GRAP2: variants seen among roughly 807,000 people sequenced by gnomAD.
GRAP2 encodes the protein GRB2 related adaptor protein 2.
GRAP2 carries 31 observed loss-of-function variants against 43.5 expected under a neutral mutation model. That is an observed-to-expected ratio of 0.71 (90% CI 0.54 to 0.96). The LOEUF (loss-of-function observed/expected upper bound fraction) is 0.96. GRAP2 is among the 40% of genes least tolerant of loss of function. The pLI, the probability that GRAP2 is intolerant of heterozygous loss-of-function variation, is 0.00. For synonymous variants in GRAP2, 156 were observed against 164.8 expected, an observed-to-expected ratio of 0.95 and a Z score of 0.41; for missense variants, 371 against 424.4, an observed-to-expected ratio of 0.87 and a Z score of 1.11.
intron 1 of GRAP2, among the ~76,000 whole-genome samples, chr22:39,919,205 G>A: frequency 6.6e-6 from 1 of 152,152 alleles, no homozygotes; most frequent in South Asian, 2.1e-4. Flanking sequence ...CCCCAAAAGT[G>A]GTGATTTTAT....
At chr22:39,910,261 C>G (rs1664553842) in intron 1 of GRAP2, among the ~76,000 whole-genome samples, 1 of 152,088 alleles carries the variant, frequency 6.6e-6, no homozygotes, top group Admixed American at 6.6e-5. Context: ...TGATCTGTAG[C>G]CTATACTTCT....
chr22:39,937,155 C>T (rs555401015), intron 1 of GRAP2, among the ~76,000 whole-genome samples: 12 of 152,150 alleles, frequency 7.9e-5, no homozygotes, highest in South Asian at 6.2e-4. Flanking sequence ...AACGGGTGAC[C>T]GATTATAAAG....
At chr22:39,940,128 GTC>G (rs1292822995) in intron 1 of GRAP2, among the ~76,000 whole-genome samples, 1 of 152,178 alleles carries the variant, frequency 6.6e-6, no homozygotes, top group Non-Finnish European at 1.5e-5. Flanking sequence ...GAATGTGAGA[GTC>G]TATTTTAAAG....
Position 39,960,042 on chromosome 22 carries a change from C to T in GRAP2, c.171-13C>T. 3 of 1,613,272 alleles carry T rather than the reference C, an allele frequency of 1.9e-6. No homozygotes were observed. The highest frequency in any genetic ancestry group is 2.5e-6 in the Non-Finnish European group (3 of 1,179,266). On this transcript the variant is annotated splice_polypyrimidine_tract_variant and intron_variant, in intron 3 of 7. Coordinates refer to ENST00000344138, the MANE Select transcript of GRAP2 (RefSeq NM_004810.4). ...TCTCATCCTGATCCTTTTGTTTGAT[C>T]TCGCCCCCACAGATGGTTTCACGAA... is the stretch of plus-strand genomic sequence containing the variant.
chr22:39,963,327 T>C (rs764027802), intron 4 of GRAP2, among the ~76,000 whole-genome samples: 4 of 152,180 alleles, frequency 2.6e-5, no homozygotes, highest in Non-Finnish European at 5.9e-5. Flanking sequence ...CCTCTCCTTG[T>C]AGACCCAGAT....
intron 1 of GRAP2, among the ~76,000 whole-genome samples, chr22:39,917,862 A>G (rs1197691092): frequency 6.6e-6 from 1 of 152,216 alleles, no homozygotes; most frequent in African/African-American, 2.4e-5. Context: ...TAAGGATCCA[A>G]ACAGAAAGGA....
intron 4 of GRAP2, among the ~76,000 whole-genome samples, chr22:39,962,012 A>G (rs1251546397): frequency 6.6e-6 from 1 of 152,244 alleles, no homozygotes; most frequent in Non-Finnish European, 1.5e-5. Context: ...TTCTTCAGTA[A>G]AAACTTTATT....
Position 39,941,640 on chromosome 22 carries a change from T to C in GRAP2, c.-14-5453T>C, listed in dbSNP as rs188074337. Among the ~76,000 whole-genome samples, 93 of 152,280 alleles carry C rather than the reference T, an allele frequency of 6.1e-4. 1 individual carries two copies. The highest frequency in any genetic ancestry group is 2.1e-3 in the African/African-American group (87 of 41,558). ...ATGTAAAAATGCTATGAAATTCAAA[T>C]CTCAGGGTCCACAAATAAAGTTTTA... On this transcript the variant is annotated intron_variant, in intron 1 of 7. Coordinates refer to ENST00000344138, the MANE Select transcript of GRAP2 (RefSeq NM_004810.4).
At chr22:39,910,206 G>A (rs560869554) in intron 1 of GRAP2, among the ~76,000 whole-genome samples, 3 of 152,252 alleles carry the variant, frequency 2.0e-5, no homozygotes, top group African/African-American at 7.2e-5. Context: ...ACGCTCTCCA[G>A]GAGTGATCTG....
At chr22:39,930,654 A>G (rs762761383) in intron 1 of GRAP2, among the ~76,000 whole-genome samples, 26 of 152,168 alleles carry the variant, frequency 1.7e-4, no homozygotes, top group Non-Finnish European at 3.5e-4. Context: ...CTGATTAAAC[A>G]TTCCTGAATG....
intron 1 of GRAP2, among the ~76,000 whole-genome samples, chr22:39,913,746 G>A (rs1233982383): frequency 2.6e-5 from 4 of 152,090 alleles, no homozygotes; most frequent in Admixed American, 6.5e-5. Flanking sequence ...CTACTGCAGC[G>A]TGCACCTAAA....
intron 1 of GRAP2, among the ~76,000 whole-genome samples, chr22:39,913,511 C>T (rs1313150300): frequency 6.6e-6 from 1 of 152,170 alleles, no homozygotes; most frequent in African/African-American, 2.4e-5. Flanking sequence ...GATGCTGAGT[C>T]AGCCAAGTGT....
rs768876538 is a variant in GRAP2 at position 39,901,100 on chromosome 22, T to G, written c.-245T>G. On this transcript the variant is annotated 5_prime_UTR_variant, in exon 1 of 8. Coordinates refer to ENST00000344138, the MANE Select transcript of GRAP2 (RefSeq NM_004810.4). ...TTTGCCTACAGACTGCAGGGCTGAC[T>G]AGGGTTAGTTTGGAGGAGGGAGTAA... is the stretch of plus-strand genomic sequence containing the variant. 67 of 390,018 alleles carry G rather than the reference T, an allele frequency of 1.7e-4. No homozygotes were observed. Among genetic ancestry groups the G allele is most frequent in the Middle Eastern group, 3.7e-4 (1 of 2,714 alleles). 24.2% of individuals were successfully genotyped at this position (390,018 alleles called of 1,614,324 possible).
In GRAP2 at chr22:39,969,955, C is replaced by G. The variant is rs547322406; in HGVS notation, c.813+422C>G. ...ACAAAACAAAAATGCACACACAGAT[C>G]AACGAGAGGTGATGGAATGTTTGGG... is the stretch of plus-strand genomic sequence containing the variant. On this transcript the variant is annotated intron_variant, in intron 7 of 7. Coordinates refer to ENST00000344138, the MANE Select transcript of GRAP2 (RefSeq NM_004810.4). 3.9e-3 allele frequency among the ~76,000 whole-genome samples: 595 copies of G among 152,254 alleles called. 8 individuals carry two copies. Among genetic ancestry groups the G allele is most frequent in the African/African-American group, 0.014 (567 of 41,548 alleles).
At chr22:39,931,957 G>T (rs902004537) in intron 1 of GRAP2, among the ~76,000 whole-genome samples, 65 of 152,236 alleles carry the variant, frequency 4.3e-4, no homozygotes, top group African/African-American at 1.5e-3. Flanking sequence ...ACATTTTGTG[G>T]CTCACAGGAT....
At chr22:39,965,836 C>T (rs2067166646) in intron 4 of GRAP2, among the ~76,000 whole-genome samples, 154 bp from the exon 5 acceptor site, 1 of 152,214 alleles carries the variant, frequency 6.6e-6, no homozygotes, top group Non-Finnish European at 1.5e-5. Context: ...CTGCCGAAGC[C>T]TGACTGGGCT....
intron 1 of GRAP2, chr22:39,926,541 C>T (rs1242594716): frequency 1.1e-6 from 1 of 891,008 alleles, no homozygotes; most frequent in Non-Finnish European, 1.3e-6. Flanking sequence ...GAACCTTGAG[C>T]ATAAGGAAGT....
intron 1 of GRAP2, among the ~76,000 whole-genome samples, chr22:39,944,511 C>A (rs6001708): frequency 6.6e-6 from 1 of 152,092 alleles, no homozygotes; most frequent in Non-Finnish European, 1.5e-5. Flanking sequence ...TTTTTCAAAG[C>A]GATTTTATAA....
intron 1 of GRAP2, among the ~76,000 whole-genome samples, chr22:39,905,724 A>G (rs1192981421): frequency 6.6e-6 from 1 of 152,216 alleles, no homozygotes; most frequent in Non-Finnish European, 1.5e-5. Context: ...AAACTGAGGT[A>G]CGGAGAGGTC....
Sources: gnomAD v4.1 joint callset for allele counts (sites outside exome capture counted in the v4.1 genomes callset) on GRCh38, gnomAD v4.1.1 for gene constraint, MANE v1.5 for transcripts, NCBI Gene and HGNC (gene_info 2026-07-23, HGNC 2026-07-21) for gene names.